TGS1: variants seen among roughly 807,000 people sequenced by gnomAD.
TGS1 encodes trimethylguanosine synthase 1, also known as trimethylguanosine synthase.
A neutral mutation model predicts 92.2 loss-of-function variants in TGS1; 69 were observed. The ratio of observed to expected loss-of-function variants is 0.75; its 90% CI spans 0.62 to 0.91. The LOEUF is 0.91. Ranked by LOEUF, TGS1 falls within the 40% of genes least tolerant of loss-of-function variation. The probability of loss-of-function intolerance (pLI) is 0.00; values close to 1 mark genes in which losing one functional copy is unlikely to be tolerated. For missense variants in TGS1, 1,062 were observed against 1,001.2 expected, an observed-to-expected ratio of 1.06 and a Z score of -0.82; for synonymous variants, 345 against 338.1, an observed-to-expected ratio of 1.02 and a Z score of -0.22.
At position 55,824,681 on chromosome 8, in the gene TGS1, G is replaced by A. The variant is rs557221856; in HGVS notation, c.2540G>A (p.Arg847Gln). 3.7e-5 allele frequency: 60 copies of A among 1,614,130 alleles called. No homozygotes were observed. The African/African-American group carries it at 5.7e-4, about 15-fold the overall frequency. ...TITAYFGDLI[R>Q]RPASET ...ACTGCATATTTTGGTGACCTAATTC[G>A]AAGACCAGCCTCTGAAACCTAACTA... Residue 847 changes from arginine (R) to glutamine (Q), a missense_variant, in exon 13 of 13, where the codon CGA becomes CAA. By Grantham distance (43) the Arg-to-Gln change is conservative. Coordinates refer to ENST00000260129, the MANE Select transcript of TGS1 (RefSeq NM_024831.8).
At chr8:55,819,383 A>C (rs1585796790) in intron 12 of TGS1, among the ~76,000 whole-genome samples, 1 of 131,392 alleles carries the variant, frequency 7.6e-6, no homozygotes. Context: ...CACAACCTCC[A>C]CTTCCCGGGT....
intron 12 of TGS1, among the ~76,000 whole-genome samples, chr8:55,814,578 C>T (rs1331237343): frequency 8.7e-5 from 13 of 149,202 alleles, no homozygotes; most frequent in Non-Finnish European, 1.2e-4. Flanking sequence ...AATCCCAGCA[C>T]TTTGGGAGGC....
chr8:55,778,377 T>C (rs1261776980), intron 1 of TGS1, among the ~76,000 whole-genome samples: 1 of 152,178 alleles, frequency 6.6e-6, no homozygotes, highest in East Asian at 1.9e-4. Flanking sequence ...TAGAACATGA[T>C]TTCATTGAAT....
chr8:55,773,870 C>A, intron 1 of TGS1, 151 bp downstream of exon 1: 1 of 619,850 alleles, frequency 1.6e-6, no homozygotes, highest in Non-Finnish European at 2.8e-6. Context: ...AACCCTCAGA[C>A]ATGACGGAGT....
At chr8:55,776,165 G>A (rs1240114442) in intron 1 of TGS1, among the ~76,000 whole-genome samples, 1 of 152,064 alleles carries the variant, frequency 6.6e-6, no homozygotes. Context: ...AACTCTAAGG[G>A]GGTCTGCATG....
In TGS1 at chr8:55,786,511, T is replaced by C; in HGVS notation, c.613T>C (p.Tyr205His). Residue 205 changes from tyrosine to histidine, a missense_variant, in exon 4 of 13, where the codon TAT becomes CAT. Coordinates refer to ENST00000260129, the MANE Select transcript of TGS1 (RefSeq NM_024831.8). ...GAAATGGGAAAAGTATTGGAATGAA[T>C]ATGGAGGAGGACTATTGTGGCAAAG... ...TEKWEKYWNE[Y>H]GGGLLWQSWQ... is the part of the protein sequence containing the mutation. 1 of 1,614,126 alleles carries C rather than the reference T, an allele frequency of 6.2e-7. No homozygotes were observed. The highest frequency in any genetic ancestry group is 1.7e-5 in the Admixed American group (1 of 60,012).
chr8:55,814,672 A>T (rs867250651), intron 12 of TGS1, among the ~76,000 whole-genome samples: 17 of 126,866 alleles, frequency 1.3e-4, no homozygotes, highest in African/African-American at 5.4e-4. Flanking sequence ...AAAAAAAAAA[A>T]AAATATATAT....
At chr8:55,804,816 A>T in intron 9 of TGS1, 77 bp from the exon 10 acceptor site, 5 of 1,243,232 alleles carry the variant, frequency 4.0e-6, no homozygotes, top group Non-Finnish European at 5.8e-6. Context: ...TGTAAGATAT[A>T]GTAATGTTTG....
chr8:55,802,718 A>G, intron 9 of TGS1, 112 bp downstream of exon 9: 1 of 1,064,342 alleles, frequency 9.4e-7, no homozygotes, highest in Non-Finnish European at 1.3e-6. Context: ...AGATTCAGCT[A>G]TTTTCAACAT....
At chr8:55,813,199 C>A in intron 12 of TGS1, 81 bp downstream of exon 12, 1 of 986,806 alleles carries the variant, frequency 1.0e-6, no homozygotes, top group South Asian at 1.5e-5. Context: ...CATATCCTTA[C>A]CAGAGAATGT....
chr8:55,810,804 C>A, intron 10 of TGS1, 77 bp from the exon 11 acceptor site: 2 of 1,208,784 alleles, frequency 1.7e-6, no homozygotes, highest in Admixed American at 1.7e-5. Context: ...AGATGACAGA[C>A]TATTCGAAAG....
chr8:55,815,041 C>T (rs574595810), intron 12 of TGS1, among the ~76,000 whole-genome samples: 4 of 152,156 alleles, frequency 2.6e-5, no homozygotes, highest in African/African-American at 4.8e-5. Flanking sequence ...ATCGTCTCAT[C>T]AGAGACGATG....
chr8:55,806,166 A>C (rs1277045903), intron 10 of TGS1, among the ~76,000 whole-genome samples: 1 of 149,568 alleles, frequency 6.7e-6, no homozygotes, highest in Non-Finnish European at 1.5e-5. Flanking sequence ...GACCAGCCTG[A>C]CCAACATGGA....
At chr8:55,813,000 T>C (rs754931342) in intron 11 of TGS1, 40 bp from the exon 12 acceptor site, 2 of 1,349,732 alleles carry the variant, frequency 1.5e-6, no homozygotes, top group South Asian at 2.4e-5. Context: ...GATTAGAAAT[T>C]AGCTGCTGTT....
At chr8:55,812,047 A>G (rs187079827) in intron 11 of TGS1, among the ~76,000 whole-genome samples, 27 of 152,242 alleles carry the variant, frequency 1.8e-4, no homozygotes, top group Admixed American at 2.0e-4. Flanking sequence ...TAACTCTTCA[A>G]TTCACACTGA....
At chr8:55,804,036 G>A (rs1028874542) in intron 9 of TGS1, among the ~76,000 whole-genome samples, 14 of 152,120 alleles carry the variant, frequency 9.2e-5, no homozygotes, top group African/African-American at 1.9e-4. Context: ...CTCTAGAGTG[G>A]ACACAGGACC....
At chr8:55,823,151 C>A (rs1388448990) in intron 12 of TGS1, among the ~76,000 whole-genome samples, 2 of 152,142 alleles carry the variant, frequency 1.3e-5, no homozygotes, top group African/African-American at 4.8e-5. Flanking sequence ...GTGAAGTAAT[C>A]ATGAGTTAGA....
At chr8:55,796,516 C>A (rs1169466513) in intron 7 of TGS1, among the ~76,000 whole-genome samples, 2 of 151,752 alleles carry the variant, frequency 1.3e-5, no homozygotes, top group Non-Finnish European at 2.9e-5. Context: ...ATGGAAAACC[C>A]TGTCTCTACT....
At position 55,824,587 on chromosome 8, in the gene TGS1, T is replaced by A. The variant is rs767118167; in HGVS notation, c.2446T>A (p.Ser816Thr). 2 of 1,614,206 alleles carry A rather than the reference T, an allele frequency of 1.2e-6. No homozygotes were observed. Among genetic ancestry groups the A allele is most frequent in the Non-Finnish European group, 8.5e-7 (1 of 1,180,026 alleles). Residue 816 changes from serine to threonine, a missense_variant, in exon 13 of 13, where the codon TCC becomes ACC. Physicochemically the swap from Ser to Thr is moderately conservative, Grantham distance 58. Transcript: ENST00000260129. ...PRNADIDQVASLAGPGGQVEI... is the reference protein window; with the variant it reads ...PRNADIDQVATLAGPGGQVEI... Reference sequence around the variant, plus strand: ...CTTCTGTTCATCTTTTTAGGTGGCATCCTTAGCTGGGCCTGGAGGGCAAGT... The same window carrying A: ...CTTCTGTTCATCTTTTTAGGTGGCAACCTTAGCTGGGCCTGGAGGGCAAGT...
Sources: allele counts gnomAD v4.1 joint callset (sites outside exome capture counted in the v4.1 genomes callset), GRCh38; gene constraint gnomAD v4.1.1; transcripts MANE v1.5; gene names NCBI Gene and HGNC (gene_info 2026-07-23, HGNC 2026-07-21).